AUTS2: variants seen among roughly 807,000 people sequenced by gnomAD.
AUTS2 encodes the protein autism susceptibility gene 2 protein.
AUTS2 carries 17 observed loss-of-function variants against 112.4 expected under a neutral mutation model. The ratio of observed to expected loss-of-function variants is 0.15; its 90% CI spans 0.10 to 0.23. The LOEUF (loss-of-function observed/expected upper bound fraction) is 0.23, where lower values mean the gene tolerates loss of function less well. AUTS2 is among the 10% of genes least tolerant of loss of function. The pLI is 1.00. For missense variants in AUTS2, 1,510 were observed against 1,701.6 expected (o/e 0.89, Z 1.98); for synonymous variants, 751 against 702.7 (o/e 1.07, Z -1.09).
At chr7:70,156,890 G>GC (rs1357928695) in intron 4 of AUTS2, among the ~76,000 whole-genome samples, 184 of 6,018 alleles carry the variant, frequency 0.031, 2 homozygotes, top group Non-Finnish European at 0.043. Flanking sequence ...TCTACTAAAA[G>GC]TAAAAAAAAA....
chr7:69,786,367 T>A (rs1432909721), intron 1 of AUTS2, among the ~76,000 whole-genome samples: 2 of 152,106 alleles, frequency 1.3e-5, no homozygotes, highest in Non-Finnish European at 2.9e-5. Context: ...GCGCTCTGTG[T>A]CTAGCTAAAG....
chr7:69,802,740 C>G (rs996310162), intron 1 of AUTS2, among the ~76,000 whole-genome samples: 7 of 152,130 alleles, frequency 4.6e-5, no homozygotes, highest in African/African-American at 7.2e-5. Flanking sequence ...TTTTGTTTTT[C>G]TGGATTACCC....
At chr7:69,728,023 G>A (rs1393618311) in intron 1 of AUTS2, among the ~76,000 whole-genome samples, 2 of 152,182 alleles carry the variant, frequency 1.3e-5, no homozygotes, top group Non-Finnish European at 2.9e-5. Context: ...TGGGATTTTA[G>A]TGTGGTACAC....
chr7:70,724,463 T>TTTTTTTTTTTTTTA (rs1786896228), intron 6 of AUTS2, among the ~76,000 whole-genome samples: 2 of 143,560 alleles, frequency 1.4e-5, no homozygotes, highest in African/African-American at 2.6e-5. Flanking sequence ...TTTTTTTTTT[T>TTTTTTTTTTTTTTA]GAGACAGAGT....
intron 1 of AUTS2, among the ~76,000 whole-genome samples, chr7:69,876,349 A>ATATATAT (rs1247359824): frequency 2.4e-4 from 7 of 29,492 alleles, no homozygotes; most frequent in African/African-American, 5.9e-4. Flanking sequence ...AAAAAAAAAA[A>ATATATAT]ATATATATAT....
intron 4 of AUTS2, among the ~76,000 whole-genome samples, chr7:70,161,310 G>A (rs1430664025): frequency 6.6e-6 from 1 of 151,170 alleles, no homozygotes; most frequent in Non-Finnish European, 1.5e-5. Context: ...AAAATTCTAA[G>A]GCTTATGAGA....
intron 4 of AUTS2, among the ~76,000 whole-genome samples, chr7:70,260,059 G>A (rs1323143382): frequency 6.6e-6 from 1 of 151,980 alleles, no homozygotes; most frequent in Admixed American, 6.6e-5. Flanking sequence ...ACTTATAACA[G>A]AATACCTAAA....
chr7:70,197,484 C>T (rs902164401), intron 4 of AUTS2, among the ~76,000 whole-genome samples: 1 of 137,042 alleles, frequency 7.3e-6, no homozygotes, highest in Non-Finnish European at 1.6e-5. Flanking sequence ...AGTGTGTGTG[C>T]GCACCGTGCG....
At chr7:70,269,266 C>CA (rs1347846131) in intron 4 of AUTS2, among the ~76,000 whole-genome samples, 3 of 152,208 alleles carry the variant, frequency 2.0e-5, no homozygotes, top group Non-Finnish European at 4.4e-5. Context: ...AATAGTCCTA[C>CA]TTTTTGCCAT....
intron 4 of AUTS2, among the ~76,000 whole-genome samples, chr7:70,221,894 A>T (rs941204446): frequency 6.6e-6 from 1 of 152,220 alleles, no homozygotes; most frequent in African/African-American, 2.4e-5. Context: ...TCTCAAAAAA[A>T]TAATAATAAA....
chr7:70,245,144 G>GTGTATATATATATATATATA (rs1233136341), intron 4 of AUTS2, among the ~76,000 whole-genome samples: 7 of 108,962 alleles, frequency 6.4e-5, no homozygotes, highest in African/African-American at 2.9e-4. Context: ...GTGTGTGTGT[G>GTGTATATATATATATATATA]TATATATATA....
intron 1 of AUTS2, among the ~76,000 whole-genome samples, chr7:69,706,348 A>G (rs911005406): frequency 4.6e-5 from 7 of 152,114 alleles, no homozygotes; most frequent in Non-Finnish European, 8.8e-5. Flanking sequence ...GGCCCAGGGA[A>G]TATCTGTTCT....
intron 1 of AUTS2, among the ~76,000 whole-genome samples, chr7:69,842,579 G>A (rs1792029218): frequency 6.6e-6 from 1 of 152,200 alleles, no homozygotes; most frequent in Non-Finnish European, 1.5e-5. Flanking sequence ...GTCCTGTGAT[G>A]CTGGTGGAAA....
At chr7:69,922,431 C>T (rs1414135031) in intron 2 of AUTS2, among the ~76,000 whole-genome samples, 1 of 152,228 alleles carries the variant, frequency 6.6e-6, no homozygotes, top group Non-Finnish European at 1.5e-5. Context: ...TCTTCTAAGA[C>T]TTTAGAAATG....
chr7:69,879,663 T>C (rs1163641444), intron 1 of AUTS2, among the ~76,000 whole-genome samples: 1 of 152,212 alleles, frequency 6.6e-6, no homozygotes, highest in Non-Finnish European at 1.5e-5. Context: ...AATACTATTA[T>C]CATCCCTATG....
At chr7:70,177,116 ATTT>A (rs1405110960) in intron 4 of AUTS2, among the ~76,000 whole-genome samples, 2 of 152,154 alleles carry the variant, frequency 1.3e-5, no homozygotes, top group Non-Finnish European at 2.9e-5. Context: ...GTTTTTTGAA[ATTT>A]CAAAGGAGGC....
In AUTS2 at chr7:69,723,651, C is replaced by T. The variant is rs528027004; in HGVS notation, c.309+123689C>T. Among the ~76,000 whole-genome samples the T allele has an allele frequency of 7.9e-5, 12 of 152,252 alleles. 1 individual carries two copies. In the South Asian group the frequency reaches 2.5e-3, roughly 32 times the overall value. On this transcript the variant is annotated intron_variant, in intron 1 of 18. Transcript: ENST00000342771. ...TTAGCTGTTTTATTCCTGATTTTCT[C>T]ATAGCCACTGGCATTTCTAAGACCT...
At chr7:69,886,777 G>A (rs1794294428) in intron 1 of AUTS2, among the ~76,000 whole-genome samples, 2 of 149,574 alleles carry the variant, frequency 1.3e-5, no homozygotes, top group South Asian at 4.3e-4. Flanking sequence ...GTGTGTGTGT[G>A]TGTGTGTGTG....
intron 2 of AUTS2, among the ~76,000 whole-genome samples, chr7:69,959,041 T>C (rs1462946447): frequency 2.0e-5 from 3 of 152,180 alleles, no homozygotes; most frequent in Admixed American, 2.0e-4. Context: ...AGTAATCAGT[T>C]GTCTCAAATT....
Sources: gnomAD v4.1 joint callset for allele counts (sites outside exome capture counted in the v4.1 genomes callset) on GRCh38, gnomAD v4.1.1 for gene constraint, MANE v1.5 for transcripts, NCBI Gene and HGNC (gene_info 2026-07-23, HGNC 2026-07-21) for gene names.